Variants in PBX1 observed in about 807,000 individuals in gnomAD.
PBX1 encodes the protein pre-B-cell leukemia transcription factor 1.
Under a neutral mutation model 53.4 loss-of-function variants are expected in PBX1, and 6 were observed. That is an observed-to-expected ratio of 0.11 (90% CI 0.06 to 0.22). The LOEUF is 0.22. PBX1 is among the 10% of genes least tolerant of loss of function. The pLI, the probability that PBX1 is intolerant of heterozygous loss-of-function variation, is 1.00. For synonymous variants in PBX1, 204 were observed against 212.3 expected, an observed-to-expected ratio of 0.96 and a Z score of 0.34; for missense variants, 251 against 551.4, an observed-to-expected ratio of 0.46 and a Z score of 5.46.
chr1:164,613,677 T>C (rs1220112100), intron 2 of PBX1, among the ~76,000 whole-genome samples: 2 of 152,216 alleles, frequency 1.3e-5, no homozygotes, highest in African/African-American at 4.8e-5. Flanking sequence ...TCATGCTCCA[T>C]GTTTTTAACA....
intron 2 of PBX1, chr1:164,773,155 A>C (rs886266500): frequency 6.6e-6 from 1 of 151,982 alleles, no homozygotes; most frequent in African/African-American, 2.4e-5. Flanking sequence ...TTTGGAATGA[A>C]TTTAAAGTTC....
chr1:164,592,984 G>A (rs1655509018), intron 2 of PBX1, among the ~76,000 whole-genome samples: 1 of 150,694 alleles, frequency 6.6e-6, no homozygotes, highest in Admixed American at 6.6e-5. Flanking sequence ...TTGAGACAGA[G>A]TCTTGCTCTG....
At chr1:164,856,216 T>G (rs1234067890), downstream of PBX1, among the ~76,000 whole-genome samples, 1 of 152,208 alleles carries the variant, frequency 6.6e-6, no homozygotes, top group Non-Finnish European at 1.5e-5. Context: ...CCTTCTGCCT[T>G]GGAGTTCCAG....
At chr1:164,793,663 A>G (rs1041576942) in intron 3 of PBX1, among the ~76,000 whole-genome samples, 1 of 152,124 alleles carries the variant, frequency 6.6e-6, no homozygotes, top group East Asian at 1.9e-4. Flanking sequence ...TAGTGTAAGC[A>G]TGCTACTTTA....
chr1:164,867,218 T>C (rs1016510572), intron 2 of PBX1, among the ~76,000 whole-genome samples: 4 of 152,122 alleles, frequency 2.6e-5, no homozygotes, highest in African/African-American at 9.7e-5. Context: ...TCTTCATCAG[T>C]AGAGCGGGAA....
At chr1:164,618,116 T>TTC (rs1657404587) in intron 2 of PBX1, among the ~76,000 whole-genome samples, 2 of 152,304 alleles carry the variant, frequency 1.3e-5, no homozygotes, top group South Asian at 4.1e-4. Context: ...CTGTGAGCAT[T>TTC]TCTCTGGCCT....
intron 2 of PBX1, among the ~76,000 whole-genome samples, chr1:164,616,113 C>CT (rs1007413420): frequency 2.6e-5 from 4 of 152,206 alleles, no homozygotes; most frequent in Non-Finnish European, 5.9e-5. Context: ...GTCTCTCTCT[C>CT]TCTCTCCACC....
At chr1:164,794,383 A>G (rs1668686519) in intron 3 of PBX1, among the ~76,000 whole-genome samples, 1 of 152,240 alleles carries the variant, frequency 6.6e-6, no homozygotes, top group African/African-American at 2.4e-5. Context: ...GATTTCTACA[A>G]AATCCTCTCT....
intron 8 of PBX1, among the ~76,000 whole-genome samples, chr1:164,841,806 G>C (rs1671305729): frequency 6.6e-6 from 1 of 152,218 alleles, no homozygotes; most frequent in South Asian, 2.1e-4. Context: ...CCGTGTCTCT[G>C]TTTTTCTTCC....
chr1:164,678,002 C>T (rs1273055370), intron 2 of PBX1, among the ~76,000 whole-genome samples: 4 of 152,140 alleles, frequency 2.6e-5, no homozygotes, highest in Non-Finnish European at 4.4e-5. Flanking sequence ...GTAGTATGCA[C>T]ACCCAGGTCT....
intron 4 of PBX1, among the ~76,000 whole-genome samples, chr1:164,803,643 A>T (rs1175588949): frequency 6.6e-6 from 1 of 152,202 alleles, no homozygotes; most frequent in East Asian, 1.9e-4. Context: ...ATGTGGCTAG[A>T]TGAAATTGTT....
At chr1:164,854,265 T>G (rs1464501197), downstream of PBX1, 1 of 152,168 alleles carries the variant, frequency 6.6e-6, no homozygotes, top group Non-Finnish European at 1.5e-5. Context: ...TGCAACTAAT[T>G]GATTACAACC....
At chr1:164,595,418 A>G (rs1655686889) in intron 2 of PBX1, among the ~76,000 whole-genome samples, 3 of 152,076 alleles carry the variant, frequency 2.0e-5, no homozygotes, top group Non-Finnish European at 4.4e-5. Context: ...TGAGGATGAC[A>G]TGAATGATGG....
At chr1:164,707,851 A>G (rs1301452104) in intron 2 of PBX1, among the ~76,000 whole-genome samples, 1 of 152,210 alleles carries the variant, frequency 6.6e-6, no homozygotes, top group Non-Finnish European at 1.5e-5. Context: ...CACTGTGAGG[A>G]CTAAGAACCA....
intron 2 of PBX1, among the ~76,000 whole-genome samples, chr1:164,569,936 G>A (rs1262701768): frequency 2.0e-5 from 3 of 152,020 alleles, no homozygotes; most frequent in Non-Finnish European, 4.4e-5. Flanking sequence ...AAGAAGAGGG[G>A]GAAAAGAGAA....
At chr1:164,754,155 C>T (rs1666377510) in intron 2 of PBX1, among the ~76,000 whole-genome samples, 1 of 152,068 alleles carries the variant, frequency 6.6e-6, no homozygotes. Context: ...CCTATGTGCC[C>T]GGCTGGTGTG....
At chr1:164,880,621 C>T (rs1261665264) in intron 2 of PBX1, among the ~76,000 whole-genome samples, 2 of 152,188 alleles carry the variant, frequency 1.3e-5, no homozygotes, top group Non-Finnish European at 2.9e-5. Context: ...ACAAAGTTGA[C>T]AGGCCCTTGG....
intron 2 of PBX1, among the ~76,000 whole-genome samples, chr1:164,728,050 C>T (rs1467265577): frequency 1.3e-5 from 2 of 152,128 alleles, no homozygotes; most frequent in Non-Finnish European, 2.9e-5. Context: ...CCAGGCTGGG[C>T]GTGGTGGCTC....
At position 164,559,420 on chromosome 1, in the gene PBX1, A is replaced by G. The variant is rs1279644646; in HGVS notation, c.-403A>G. 2 of 240,612 alleles carry G rather than the reference A, an allele frequency of 8.3e-6. No individual in the cohort carries two copies. Among genetic ancestry groups the G allele is most frequent in the Non-Finnish European group, 1.6e-5 (2 of 123,562 alleles). 14.9% of individuals were successfully genotyped at this position (240,612 alleles called of 1,614,324 possible). ...TTTCTCCCGATCAATGCATATTTGC[A>G]AAAGGATTAAGCCACAGATTTAAGC... is the stretch of plus-strand genomic sequence containing the variant. On this transcript the variant is annotated 5_prime_UTR_variant, in exon 1 of 9. Coordinates refer to ENST00000420696, the MANE Select transcript of PBX1 (RefSeq NM_002585.4).
Sources: gnomAD v4.1 joint callset for allele counts (sites outside exome capture counted in the v4.1 genomes callset) on GRCh38, gnomAD v4.1.1 for gene constraint, MANE v1.5 for transcripts, NCBI Gene and HGNC (gene_info 2026-07-23, HGNC 2026-07-21) for gene names.